PCDHGC5: variants seen among roughly 807,000 people sequenced by gnomAD.
PCDHGC5 encodes protocadherin gamma subfamily C, 5.
Under a neutral mutation model 59.0 loss-of-function variants are expected in PCDHGC5, and 25 were observed. The observed-to-expected ratio is 0.42, with a 90% CI of 0.31 to 0.59. PCDHGC5 has a LOEUF of 0.59. PCDHGC5 is among the 20% of genes least tolerant of loss of function. The probability of loss-of-function intolerance (pLI) is 0.13; values close to 1 mark genes in which losing one functional copy is unlikely to be tolerated. For synonymous variants in PCDHGC5, 434 were observed against 505.5 expected (o/e 0.86, Z 1.90); for missense variants, 1,067 against 1,206.4 (o/e 0.88, Z 1.71).
intron 2 of PCDHGC5, among the ~76,000 whole-genome samples, chr5:141,501,212 A>G (rs936235563): frequency 1.9e-4 from 29 of 150,770 alleles, no homozygotes; most frequent in Admixed American, 1.8e-3. Flanking sequence ...TGTCAGGGTG[A>G]CTTCCTAGAT....
intron 2 of PCDHGC5, among the ~76,000 whole-genome samples, chr5:141,495,644 A>G (rs767670166): frequency 5.3e-5 from 8 of 151,770 alleles, no homozygotes; most frequent in Non-Finnish European, 1.0e-4. Context: ...TCATTTGTCT[A>G]CTTGCATTGA....
In PCDHGC5 at chr5:141,512,501, G is replaced by A. The variant is rs1474842711; in HGVS notation, c.*1328G>A. The A allele has an allele frequency of 6.5e-6, 1 of 152,914 alleles. No homozygotes were observed. The highest frequency in any genetic ancestry group is 1.5e-5 in the Non-Finnish European group (1 of 68,258). The allele number at this position is 152,914 out of a possible 1,614,324, so 9.5% of individuals were successfully genotyped here. On this transcript the variant is annotated 3_prime_UTR_variant, in exon 4 of 4. Transcript: ENST00000252087. The stretch of plus-strand genomic sequence containing the variant: ...GAAGGCCACTGCCCAGGTCCCCAGT[G>A]CGCCCCCTAGTGGCCATAGCCTGGT...
Position 141,511,656 on chromosome 5 carries a change from C to T in PCDHGC5, c.*483C>T, listed in dbSNP as rs2099883892. On this transcript the variant is annotated 3_prime_UTR_variant, in exon 4 of 4. Transcript: ENST00000252087. ...GGGCATCATGACCTCTTGGCCTCTC[C>T]TTTGATTCTCAATCTTCCCCCAAAG... is the stretch of plus-strand genomic sequence containing the variant. 4.9e-6 allele frequency: 1 copy of T among 206,024 alleles called. No individual in the cohort carries two copies. The highest frequency in any genetic ancestry group is 5.2e-5 in the Admixed American group (1 of 19,114). 12.8% of individuals were successfully genotyped at this position (206,024 alleles called of 1,614,324 possible).
intron 2 of PCDHGC5, among the ~76,000 whole-genome samples, chr5:141,503,985 T>C (rs1277024188): frequency 6.6e-6 from 1 of 152,150 alleles, no homozygotes; most frequent in African/African-American, 2.4e-5. Flanking sequence ...ACCCTTCTTC[T>C]TACCTTACAG....
chr5:141,495,529 C>T (rs1466269939), intron 2 of PCDHGC5, among the ~76,000 whole-genome samples: 1 of 152,210 alleles, frequency 6.6e-6, no homozygotes, highest in African/African-American at 2.4e-5. Flanking sequence ...ACCTCTCAGT[C>T]CTTCCCTCAG....
At position 141,508,670 on chromosome 5, in the gene PCDHGC5, C is replaced by A. The variant is rs184838473; in HGVS notation, c.2609-2277C>A. The stretch of plus-strand genomic sequence containing the variant: ...GGCCCTTCCTGTCATTCTGTCTCTG[C>A]CTCCCTTCTCCCTGCTTCTCCGTGT... On this transcript the variant is annotated intron_variant, in intron 3 of 3. Coordinates refer to ENST00000252087, the MANE Select transcript of PCDHGC5 (RefSeq NM_018929.3). Among the ~76,000 whole-genome samples the A allele has an allele frequency of 3.7e-3, 564 of 152,202 alleles. 5 individuals are homozygous for A. The highest frequency in any genetic ancestry group is 0.011 in the Admixed American group (164 of 15,294).
intron 3 of PCDHGC5, among the ~76,000 whole-genome samples, chr5:141,506,444 C>T (rs542906499): frequency 2.1e-5 from 2 of 95,022 alleles, no homozygotes; most frequent in South Asian, 3.6e-4. Flanking sequence ...CGCTCTGTCT[C>T]AAAAAAAAAA....
At position 141,511,349 on chromosome 5, in the gene PCDHGC5, C is replaced by CG; in HGVS notation, c.*176_*177insG. On this transcript the variant is annotated 3_prime_UTR_variant, in exon 4 of 4. Coordinates refer to ENST00000252087, the MANE Select transcript of PCDHGC5 (RefSeq NM_018929.3). The stretch of plus-strand genomic sequence containing the variant: ...GCCCAGTCAGCACCTACCCCTTCCC[C>CG]CCCAGGGGGTTGAATATGCAAAAGC... 7.1e-7 allele frequency: 1 copy of CG among 1,401,498 alleles called. No homozygotes were observed. Among genetic ancestry groups the CG allele is most frequent in the African/African-American group, 1.5e-5 (1 of 68,948 alleles). 86.8% of individuals were successfully genotyped at this position (1,401,498 alleles called of 1,614,324 possible).
At chr5:141,495,209 C>T (rs548415564) in intron 2 of PCDHGC5, among the ~76,000 whole-genome samples, 1 of 152,342 alleles carries the variant, frequency 6.6e-6, no homozygotes, top group Admixed American at 6.5e-5. Flanking sequence ...GCCTAACCCC[C>T]TCCCCTGAGT....
chr5:141,494,937 G>C (rs759078748), intron 2 of PCDHGC5, 72 bp downstream of exon 2: 1 of 1,612,276 alleles, frequency 6.2e-7, no homozygotes, highest in African/African-American at 1.3e-5. Flanking sequence ...GAGGAGATGG[G>C]GGAGGGCCCA....
chr5:141,494,639 C>T, intron 1 of PCDHGC5, 168 bp from the exon 2 acceptor site: 1 of 901,070 alleles, frequency 1.1e-6, no homozygotes, highest in Non-Finnish European at 1.3e-6. Flanking sequence ...ACCTCTGAGA[C>T]CTGAGGTGTA....
At chr5:141,499,244 CAA>C (rs1191956146) in intron 2 of PCDHGC5, among the ~76,000 whole-genome samples, 1 of 152,090 alleles carries the variant, frequency 6.6e-6, no homozygotes, top group Non-Finnish European at 1.5e-5. Flanking sequence ...AGCCTCTGCA[CAA>C]AGAGTCTCCA....
At position 141,511,411 on chromosome 5, in the gene PCDHGC5, A is replaced by G; in HGVS notation, c.*238A>G. On this transcript the variant is annotated 3_prime_UTR_variant, in exon 4 of 4. Coordinates refer to ENST00000252087, the MANE Select transcript of PCDHGC5 (RefSeq NM_018929.3). ...GAACCCCCATCCAATCAACTGCTGT[A>G]CCCATGGGGGTAGTGGGGTTACTGT... The G allele has an allele frequency of 1.1e-6, 1 of 901,334 alleles. No homozygotes were observed. Among genetic ancestry groups the G allele is most frequent in the Non-Finnish European group, 1.6e-6 (1 of 617,750 alleles). The allele number at this position is 901,334 out of a possible 1,614,324, so 55.8% of individuals were successfully genotyped here. A position where few individuals can be genotyped will look rare whatever the true frequency, so the allele number is the denominator to read the frequency against.
In PCDHGC5 at chr5:141,511,307, G is replaced by A. The variant is rs919320754; in HGVS notation, c.*134G>A. On this transcript the variant is annotated 3_prime_UTR_variant, in exon 4 of 4. Coordinates refer to ENST00000252087, the MANE Select transcript of PCDHGC5 (RefSeq NM_018929.3). ...TAGGGGCCAAGGCCATGCTCCCCTT[G>A]GGAAACAGAAACAAGTGCCCAGTCA... 8 of 1,488,416 alleles carry A rather than the reference G, an allele frequency of 5.4e-6. No individual in the cohort carries two copies. Among genetic ancestry groups the A allele is most frequent in the Non-Finnish European group, 5.4e-6 (6 of 1,115,202 alleles). The allele number at this position is 1,488,416 out of a possible 1,614,324, so 92.2% of individuals were successfully genotyped here. A position where few individuals can be genotyped will look rare whatever the true frequency, so the allele number is the denominator to read the frequency against.
Position 141,491,699 on chromosome 5 carries a change from A to G in PCDHGC5, c.2459A>G (p.Gln820Arg). The G allele has an allele frequency of 6.2e-7, 1 of 1,612,008 alleles. No individual in the cohort carries two copies. The highest frequency in any genetic ancestry group is 1.1e-5 in the South Asian group (1 of 90,926). ...SRSNTLRERS[Q>R]QAPPNTDWRF... ...TCTAATACGCTGCGGGAGCGGAGCC[A>G]GGTGAGGGGCTCGGCGCCGCCCCGG... Residue 820 changes from glutamine to arginine, a missense_variant and splice_region_variant, in exon 1 of 4, where the codon CAG becomes CGG. Transcript: ENST00000252087. The surrounding 1 kb of genome is among the most constrained non-coding windows in gnomAD (Gnocchi z 6.9).
chr5:141,505,596 T>G (rs2099846990), intron 3 of PCDHGC5, 115 bp downstream of exon 3: 1 of 1,562,168 alleles, frequency 6.4e-7, no homozygotes, highest in African/African-American at 1.4e-5. Context: ...CTCCAGATCT[T>G]TCGGCAGGTC....
Position 141,511,039 on chromosome 5 carries a change from C to T in PCDHGC5, c.2701C>T (p.Pro901Ser). 1 of 1,614,196 alleles carries T rather than the reference C, an allele frequency of 6.2e-7. No homozygotes were observed. ...YGPQFTLQHV[P>S]DYRQNVYIPG... ...ACCCCAGTTCACCCTGCAGCACGTGCCCGACTACCGCCAGAATGTCTACAT... is the reference window on the plus strand; with the variant it reads ...ACCCCAGTTCACCCTGCAGCACGTGTCCGACTACCGCCAGAATGTCTACAT... The change falls in exon 4 of 4, where the codon CCC (proline) becomes TCC (serine). Residue 901 changes from proline (P) to serine (S), a missense_variant. Physicochemically the swap from Pro to Ser is moderately conservative, Grantham distance 74. Coordinates refer to ENST00000252087, the MANE Select transcript of PCDHGC5 (RefSeq NM_018929.3).
chr5:141,505,676 C>A (rs1308943385), intron 3 of PCDHGC5, among the ~76,000 whole-genome samples, 195 bp downstream of exon 3: 1 of 152,060 alleles, frequency 6.6e-6, no homozygotes, highest in South Asian at 2.1e-4. Context: ...GGTTGGGGGT[C>A]CTGGGATGCC....
intron 2 of PCDHGC5, among the ~76,000 whole-genome samples, chr5:141,500,793 A>G (rs1245472175): frequency 6.6e-6 from 1 of 152,210 alleles, no homozygotes; most frequent in Non-Finnish European, 1.5e-5. Context: ...ATTTTACAGA[A>G]TAAGTCCTCA....
Sources: allele counts gnomAD v4.1 joint callset (sites outside exome capture counted in the v4.1 genomes callset), GRCh38; gene constraint gnomAD v4.1.1; non-coding constraint Gnocchi (gnomAD v3.1); transcripts MANE v1.5; gene names NCBI Gene and HGNC (gene_info 2026-07-23, HGNC 2026-07-21).